Variants in LNX2 observed in about 807,000 individuals in gnomAD.
LNX2 encodes the protein ligand of Numb protein X 2.
Under a neutral mutation model 66.2 loss-of-function variants are expected in LNX2, and 35 were observed. That is an observed-to-expected ratio of 0.53 (90% confidence interval 0.40 to 0.70). The LOEUF is 0.70. LNX2 is among the 30% of genes least tolerant of loss of function. LNX2 has a pLI of 0.00. For synonymous variants in LNX2, 337 were observed against 315.6 expected (o/e 1.07, Z -0.72); for missense variants, 791 against 850.8 (o/e 0.93, Z 0.87).
chr13:27,595,776 C>T (rs1163265007), intron 1 of LNX2, among the ~76,000 whole-genome samples: 1 of 152,174 alleles, frequency 6.6e-6, no homozygotes, highest in African/African-American at 2.4e-5. Context: ...TAGTCTGTCT[C>T]TTGTACCTGG....
At chr13:27,559,717 T>C in intron 6 of LNX2, 125 bp downstream of exon 6, 3 of 894,914 alleles carry the variant, frequency 3.4e-6, no homozygotes, top group Non-Finnish European at 4.8e-6. Flanking sequence ...CTCATTTGAA[T>C]CTTTTTTTTA....
intron 1 of LNX2, among the ~76,000 whole-genome samples, chr13:27,595,961 G>A (rs17755436): frequency 1.3e-5 from 2 of 152,040 alleles, no homozygotes; most frequent in East Asian, 1.9e-4. Context: ...ATGCTAAGAC[G>A]AAGCCAACAC....
chr13:27,550,278 G>C (rs940649629), intron 9 of LNX2, 55 bp downstream of exon 9: 2 of 1,517,154 alleles, frequency 1.3e-6, no homozygotes, highest in African/African-American at 2.8e-5. Flanking sequence ...CCCTGGTCTA[G>C]ATCATGTCCA....
chr13:27,562,272 A>T (rs1955144295), intron 5 of LNX2, 141 bp downstream of exon 5: 4 of 906,480 alleles, frequency 4.4e-6, no homozygotes, highest in Non-Finnish European at 5.0e-6. Context: ...TGTGGATTTT[A>T]AAGAATTCAG....
intron 1 of LNX2, among the ~76,000 whole-genome samples, chr13:27,613,839 C>T (rs760140674): frequency 6.6e-6 from 1 of 152,180 alleles, no homozygotes; most frequent in Non-Finnish European, 1.5e-5. Flanking sequence ...ATTAACTACT[C>T]GAATGAATGT....
chr13:27,599,518 C>T (rs565561752), intron 1 of LNX2, among the ~76,000 whole-genome samples: 3 of 152,226 alleles, frequency 2.0e-5, no homozygotes, highest in African/African-American at 7.2e-5. Flanking sequence ...TCTGAACTTA[C>T]GATTCCCGTA....
intron 1 of LNX2, among the ~76,000 whole-genome samples, chr13:27,587,380 CTT>C (rs965272445): frequency 2.0e-5 from 3 of 152,130 alleles, no homozygotes; most frequent in East Asian, 1.9e-4. Context: ...CTCCCCTCCT[CTT>C]TGAGGGTAAA....
Position 27,577,550 on chromosome 13 carries a change from T to TA in LNX2, c.407+3746dup, listed in dbSNP as rs370455827. On this transcript the variant is annotated intron_variant, in intron 2 of 9. Coordinates refer to ENST00000316334, the MANE Select transcript of LNX2 (RefSeq NM_153371.4). ...TAACATCAATGATAGCTGATAAGCTTAAAAAAAAAATAATCCCAAAAGCCT... is the reference window on the plus strand; with the variant it reads ...TAACATCAATGATAGCTGATAAGCTTAAAAAAAAAAATAATCCCAAAAGCCT... Among the ~76,000 whole-genome samples the TA allele has an allele frequency of 1.7e-3, 261 of 149,608 alleles. 1 individual carries two copies. Among genetic ancestry groups the TA allele is most frequent in the African/African-American group, 5.7e-3 (231 of 40,862 alleles).
chr13:27,599,595 C>T (rs1176190102), intron 1 of LNX2, among the ~76,000 whole-genome samples: 1 of 152,122 alleles, frequency 6.6e-6, no homozygotes, highest in African/African-American at 2.4e-5. Flanking sequence ...AATTAGTAAT[C>T]CATATTTACA....
Position 27,583,252 on chromosome 13 carries a change from GT to G in LNX2, c.-100-1450del. ...TGTGTGTGTGTGTGTGTGTGTGTGT[GT>G]GTGCGCGCGTCCTCTCCAACATACT... On this transcript the variant is annotated intron_variant, in intron 1 of 9. Coordinates refer to ENST00000316334, the MANE Select transcript of LNX2 (RefSeq NM_153371.4). Among the ~76,000 whole-genome samples, 2 of 56,656 alleles carry G rather than the reference GT, an allele frequency of 3.5e-5. 1 individual carries two copies. The highest frequency in any genetic ancestry group is 6.4e-5 in the Non-Finnish European group (2 of 31,106). The allele number at this position is 56,656 out of a possible 152,430, so 37.2% of individuals were successfully genotyped here.
At position 27,567,705 on chromosome 13, in the gene LNX2, C is replaced by T. The variant is rs1955223944; in HGVS notation, c.790G>A (p.Glu264Lys). ...ETPLINIVIQ[E>K]VYRDGVIARD... ...GCAATGACCCCATCCCGATAGACCT[C>T]CTGGATGACAATGTTAATCAAAGGT... Residue 264 changes from glutamate (E) to lysine (K), a missense_variant, in exon 4 of 10, where the codon GAG (glutamate) becomes AAG (lysine). Transcript: ENST00000316334. 1.9e-6 allele frequency: 3 copies of T among 1,613,828 alleles called. No individual in the cohort carries two copies. Among genetic ancestry groups the T allele is most frequent in the Middle Eastern group, 1.7e-4 (1 of 6,056 alleles).
At chr13:27,563,192 C>T (rs1308758515) in intron 4 of LNX2, among the ~76,000 whole-genome samples, 1 of 152,144 alleles carries the variant, frequency 6.6e-6, no homozygotes, top group African/African-American at 2.4e-5. Flanking sequence ...GAAATAAATA[C>T]TAATTCTAGT....
chr13:27,550,354 G>A lies in LNX2; in HGVS notation c.1916C>T (p.Ala639Val). ...TCACTTTAATCTTCCATCATAATAA[G>A]CAGGAGTTCCCAAGACAATAGTTTT... Reference protein sequence around the residue: ...FIKTIVLGTPAYYDGRLKCGD... With the variant: ...FIKTIVLGTPVYYDGRLKCGD... Residue 639 changes from alanine to valine, a missense_variant, in exon 9 of 10, where the codon GCT (alanine) becomes GTT (valine). Transcript: ENST00000316334. 1 of 1,613,270 alleles carries A rather than the reference G, an allele frequency of 6.2e-7. No homozygotes were observed. Among genetic ancestry groups the A allele is most frequent in the Non-Finnish European group, 8.5e-7 (1 of 1,179,654 alleles).
At position 27,583,210 on chromosome 13, in the gene LNX2, G is replaced by GCGCGCGTGTCCTCTCCAATATAACTT. The variant is rs1254840221; in HGVS notation, c.-100-1408_-100-1407insAAGTTATATTGGAGAGGACACGCGCG. 9.1e-5 allele frequency among the ~76,000 whole-genome samples: 2 copies of GCGCGCGTGTCCTCTCCAATATAACTT among 22,076 alleles called. 1 individual carries two copies. Among genetic ancestry groups the GCGCGCGTGTCCTCTCCAATATAACTT allele is most frequent in the Admixed American group, 7.7e-4 (2 of 2,582 alleles). 14.5% of individuals were successfully genotyped at this position (22,076 alleles called of 152,430 possible). On this transcript the variant is annotated intron_variant, in intron 1 of 9. Coordinates refer to ENST00000316334, the MANE Select transcript of LNX2 (RefSeq NM_153371.4). ...TGTGTGTGTGTGTGTGTGTGTGTGT[G>GCGCGCGTGTCCTCTCCAATATAACTT]TGTGTGTGTGTGTGTGTGTGTGTGT...
chr13:27,597,717 TG>T (rs1036560432), intron 1 of LNX2, among the ~76,000 whole-genome samples: 3 of 151,998 alleles, frequency 2.0e-5, no homozygotes, highest in African/African-American at 7.3e-5. Context: ...GGAATGACTA[TG>T]AACAGTCAAA....
intron 1 of LNX2, among the ~76,000 whole-genome samples, chr13:27,603,699 T>C (rs1955682846): frequency 6.6e-6 from 1 of 152,126 alleles, no homozygotes; most frequent in Non-Finnish European, 1.5e-5. Context: ...GGGCAGCCAA[T>C]CCCTACATAG....
intron 1 of LNX2, among the ~76,000 whole-genome samples, chr13:27,584,520 C>T (rs1955461911): frequency 6.6e-6 from 1 of 151,352 alleles, no homozygotes; most frequent in African/African-American, 2.4e-5. Context: ...ACCCTGTCTC[C>T]ACAAAAAATA....
chr13:27,561,332 C>G (rs1005500925), intron 5 of LNX2, among the ~76,000 whole-genome samples: 1 of 151,094 alleles, frequency 6.6e-6, no homozygotes, highest in Non-Finnish European at 1.5e-5. Context: ...TTTACTCAAA[C>G]AGATGCTATA....
At chr13:27,574,617 A>G (rs1955323415) in intron 2 of LNX2, among the ~76,000 whole-genome samples, 1 of 152,126 alleles carries the variant, frequency 6.6e-6, no homozygotes, top group Non-Finnish European at 1.5e-5. Context: ...CCAAAAGGAG[A>G]GAGAGTGAAA....
Sources: allele counts gnomAD v4.1 joint callset (sites outside exome capture counted in the v4.1 genomes callset), GRCh38; gene constraint gnomAD v4.1.1; transcripts MANE v1.5; gene names NCBI Gene and HGNC (gene_info 2026-07-23, HGNC 2026-07-21).